GOLM2: variants seen among roughly 807,000 people sequenced by gnomAD.
The protein encoded by GOLM2 is golgi membrane protein 2, also known as protein GOLM2.
Under a neutral mutation model 55.9 loss-of-function variants are expected in GOLM2, and 26 were observed. That is an observed-to-expected ratio of 0.47 (90% CI 0.34 to 0.65). GOLM2 has a LOEUF of 0.65. Among genes scored for constraint, GOLM2 ranks in the 30% least tolerant of loss-of-function variants. The pLI is 0.01. For missense variants in GOLM2, 486 were observed against 531.8 expected (o/e 0.91, Z 0.85); for synonymous variants, 165 against 194.6 (o/e 0.85, Z 1.27).
intron 9 of GOLM2, among the ~76,000 whole-genome samples, chr15:44,411,867 A>G (rs1161542018): frequency 2.0e-5 from 3 of 151,054 alleles, no homozygotes; most frequent in Non-Finnish European, 2.9e-5. Context: ...CTCCAAAGGG[A>G]CTCTCCAAGG....
intron 1 of GOLM2, among the ~76,000 whole-genome samples, chr15:44,305,852 C>G (rs7179894): frequency 0.081 from 12,309 of 152,140 alleles, 980 homozygotes; most frequent in East Asian, 0.2. Context: ...TCAGTGAGCA[C>G]TAGTATTTTG....
At chr15:44,410,190 G>C (rs1191139273) in intron 9 of GOLM2, among the ~76,000 whole-genome samples, 4 of 152,130 alleles carry the variant, frequency 2.6e-5, no homozygotes, top group African/African-American at 4.8e-5. Flanking sequence ...TGTAATCCCA[G>C]CACTTTGGGA....
Position 44,337,756 on chromosome 15 carries a change from C to G in GOLM2, c.577-7C>G. On this transcript the variant is annotated splice_polypyrimidine_tract_variant and splice_region_variant and intron_variant, in intron 4 of 9. Coordinates refer to ENST00000299957, the MANE Select transcript of GOLM2 (RefSeq NM_138423.4). ...GAAAAATATTATTACCAAATTTTGT[C>G]TAACAGCAAGAGACCCAAAAGATTC... 1 of 1,552,922 alleles carries G rather than the reference C, an allele frequency of 6.4e-7. No homozygotes were observed.
At chr15:44,400,158 TTTCTC>T (rs2079555169) in intron 8 of GOLM2, among the ~76,000 whole-genome samples, 1 of 152,072 alleles carries the variant, frequency 6.6e-6, no homozygotes, top group African/African-American at 2.4e-5. Context: ...GTATGTTTCT[TTTCTC>T]TAACTCTATT....
intron 8 of GOLM2, among the ~76,000 whole-genome samples, chr15:44,388,558 C>T (rs1247859925): frequency 6.6e-6 from 1 of 151,930 alleles, no homozygotes; most frequent in African/African-American, 2.4e-5. Flanking sequence ...CCTGTAGCCC[C>T]ACCTCCTTGG....
intron 1 of GOLM2, among the ~76,000 whole-genome samples, chr15:44,321,823 A>G (rs980805805): frequency 1.3e-5 from 2 of 151,602 alleles, no homozygotes; most frequent in Admixed American, 6.6e-5. Flanking sequence ...GGAGGCCAGC[A>G]GGAGAATCAC....
chr15:44,328,910 C>A (rs376517194), intron 3 of GOLM2, 123 bp downstream of exon 3: 2 of 575,042 alleles, frequency 3.5e-6, no homozygotes, highest in Non-Finnish European at 5.8e-6. Flanking sequence ...TTTTGTTAAG[C>A]CTTTTAAATT....
intron 1 of GOLM2, among the ~76,000 whole-genome samples, chr15:44,302,964 G>A (rs1038267285): frequency 3.0e-4 from 45 of 152,216 alleles, no homozygotes; most frequent in African/African-American, 6.5e-4. Context: ...TTAGCCGGGC[G>A]TAGTGGCGGA....
At chr15:44,354,521 T>C (rs200311385) in intron 6 of GOLM2, among the ~76,000 whole-genome samples, 2 of 137,412 alleles carry the variant, frequency 1.5e-5, no homozygotes, top group Admixed American at 6.8e-5. Flanking sequence ...AAAATACTTA[T>C]AAAACAGATT....
intron 9 of GOLM2, among the ~76,000 whole-genome samples, chr15:44,403,351 G>A (rs2079578455): frequency 1.3e-5 from 2 of 152,000 alleles, no homozygotes; most frequent in South Asian, 2.1e-4. Context: ...TAGTAGAGAC[G>A]GGGTTTCTCC....
chr15:44,294,983 C>T (rs972992920), intron 1 of GOLM2, among the ~76,000 whole-genome samples: 1 of 151,882 alleles, frequency 6.6e-6, no homozygotes, highest in African/African-American at 2.4e-5. Context: ...AATCCTTTCT[C>T]CAGAGGAATC....
chr15:44,364,607 AT>A (rs1437009926), intron 6 of GOLM2, among the ~76,000 whole-genome samples: 1 of 151,892 alleles, frequency 6.6e-6, no homozygotes, highest in Non-Finnish European at 1.5e-5. Context: ...AGGTGGTAGG[AT>A]TGCTTGAGCC....
chr15:44,388,102 C>T (rs1162531024), intron 8 of GOLM2, among the ~76,000 whole-genome samples: 2 of 150,906 alleles, frequency 1.3e-5, no homozygotes, highest in African/African-American at 4.9e-5. Flanking sequence ...ATGGTAAAAC[C>T]CCATCTCTAC....
At chr15:44,363,147 T>A (rs2079254421) in intron 6 of GOLM2, among the ~76,000 whole-genome samples, 1 of 152,042 alleles carries the variant, frequency 6.6e-6, no homozygotes, top group South Asian at 2.1e-4. Context: ...GGACTTCATG[T>A]CTAAAACACC....
At chr15:44,399,524 G>A (rs2141211815) in intron 8 of GOLM2, among the ~76,000 whole-genome samples, 1 of 152,228 alleles carries the variant, frequency 6.6e-6, no homozygotes, top group African/African-American at 2.4e-5. Flanking sequence ...ATTTAGGCTA[G>A]TCAGATCATC....
chr15:44,388,472 A>C (rs1300822864), intron 8 of GOLM2, among the ~76,000 whole-genome samples: 1 of 152,080 alleles, frequency 6.6e-6, no homozygotes, highest in Non-Finnish European at 1.5e-5. Flanking sequence ...CCAGGAGTTC[A>C]AGACCAGCCT....
chr15:44,351,342 C>T (rs1306677397), intron 6 of GOLM2, among the ~76,000 whole-genome samples: 3 of 151,758 alleles, frequency 2.0e-5, no homozygotes, highest in African/African-American at 2.4e-5. Context: ...TTTGGGAGGC[C>T]GAGTTGGGTG....
At chr15:44,397,715 C>T (rs943307356) in intron 8 of GOLM2, among the ~76,000 whole-genome samples, 3 of 151,984 alleles carry the variant, frequency 2.0e-5, no homozygotes, top group East Asian at 1.9e-4. Context: ...TTTAAATCTA[C>T]ATGTTTAGCC....
chr15:44,291,124 A>T (rs1408880565), intron 1 of GOLM2, among the ~76,000 whole-genome samples: 19 of 121,676 alleles, frequency 1.6e-4, no homozygotes, highest in Admixed American at 7.5e-4. Context: ...TTTTTTTTTT[A>T]AAGAGACAGG....
Sources: gnomAD v4.1 joint callset for allele counts (sites outside exome capture counted in the v4.1 genomes callset) on GRCh38, gnomAD v4.1.1 for gene constraint, MANE v1.5 for transcripts, NCBI Gene and HGNC (gene_info 2026-07-23, HGNC 2026-07-21) for gene names.